Variants in SLC25A21 observed in about 807,000 individuals in gnomAD.
The protein encoded by SLC25A21 is solute carrier family 25 member 21, also known as mitochondrial 2-oxodicarboxylate carrier.
SLC25A21 carries 47 observed loss-of-function variants against 43.8 expected under a neutral mutation model. The ratio of observed to expected loss-of-function variants is 1.07; its 90% confidence interval spans 0.85 to 1.37. The LOEUF (loss-of-function observed/expected upper bound fraction) is 1.37. Among genes scored for constraint, SLC25A21 ranks in the 40% most tolerant of loss-of-function variants. The pLI is 0.00. For synonymous variants in SLC25A21, 131 were observed against 121.3 expected, an observed-to-expected ratio of 1.08 and a Z score of -0.52; for missense variants, 352 against 350.2, an observed-to-expected ratio of 1.00 and a Z score of -0.04.
chr14:36,874,587 G>T (rs1357532616), intron 2 of SLC25A21, among the ~76,000 whole-genome samples: 1 of 152,144 alleles, frequency 6.6e-6, no homozygotes, highest in Non-Finnish European at 1.5e-5. Context: ...ATACCAAAAT[G>T]CTGACTATTA....
intron 1 of SLC25A21, among the ~76,000 whole-genome samples, chr14:37,152,194 CCAAA>C (rs952565961): frequency 5.9e-5 from 9 of 151,814 alleles, no homozygotes; most frequent in African/African-American, 1.7e-4. Flanking sequence ...TCTACCCAAC[CCAAA>C]CAAATATCCC....
At chr14:37,012,278 TA>T (rs1960750637) in intron 1 of SLC25A21, among the ~76,000 whole-genome samples, 1 of 152,226 alleles carries the variant, frequency 6.6e-6, no homozygotes, top group African/African-American at 2.4e-5. Flanking sequence ...AATAAAGGTT[TA>T]AAACCACTGC....
At position 37,033,331 on chromosome 14, in the gene SLC25A21, C is replaced by T. The variant is rs541122144; in HGVS notation, c.70+138950G>A. Among the ~76,000 whole-genome samples, 95 of 152,266 alleles carry T rather than the reference C, an allele frequency of 6.2e-4. 1 individual carries two copies. The highest frequency in any genetic ancestry group is 1.2e-3 in the Non-Finnish European group (81 of 68,028). On this transcript the variant is annotated intron_variant, in intron 1 of 9. Transcript: ENST00000331299. ...AAAGGCTGAATCACATTCCATCCTA[C>T]GTATATACTATATTTTTAAAATTTG...
chr14:37,027,248 T>A (rs1961112747), intron 1 of SLC25A21, among the ~76,000 whole-genome samples: 1 of 112,006 alleles, frequency 8.9e-6, no homozygotes, highest in South Asian at 2.4e-4. Context: ...TGACAGCTAA[T>A]ACATCTATTA....
chr14:37,133,146 C>CAA (rs1963419360), intron 1 of SLC25A21, among the ~76,000 whole-genome samples: 1 of 115,940 alleles, frequency 8.6e-6, no homozygotes, highest in Non-Finnish European at 1.8e-5. Flanking sequence ...CACTCGTGCA[C>CAA]ACACACACAC....
At chr14:36,912,953 A>G (rs2138614138) in intron 1 of SLC25A21, among the ~76,000 whole-genome samples, 1 of 152,302 alleles carries the variant, frequency 6.6e-6, no homozygotes, top group Non-Finnish European at 1.5e-5. Context: ...TAGTGAAAAA[A>G]TGAGTTCCTT....
At chr14:36,899,799 T>G (rs1489552235) in intron 1 of SLC25A21, among the ~76,000 whole-genome samples, 2 of 152,212 alleles carry the variant, frequency 1.3e-5, no homozygotes, top group Non-Finnish European at 2.9e-5. Context: ...TTCAGGCAAC[T>G]TGAAAGATAC....
chr14:37,079,333 T>G (rs2138836040), intron 1 of SLC25A21, among the ~76,000 whole-genome samples: 1 of 152,240 alleles, frequency 6.6e-6, no homozygotes, highest in East Asian at 1.9e-4. Context: ...CTTCCCTACC[T>G]CTCACCCCCA....
intron 1 of SLC25A21, among the ~76,000 whole-genome samples, chr14:37,129,545 A>T (rs1274733494): frequency 6.6e-6 from 1 of 152,288 alleles, no homozygotes; most frequent in Non-Finnish European, 1.5e-5. Context: ...AACAACCATC[A>T]TAACTCAAGA....
intron 1 of SLC25A21, among the ~76,000 whole-genome samples, chr14:37,134,993 T>C (rs1172436626): frequency 6.6e-6 from 1 of 151,370 alleles, no homozygotes; most frequent in Non-Finnish European, 1.5e-5. Flanking sequence ...AGTGGCATGA[T>C]CTCGGCTCAC....
intron 2 of SLC25A21, among the ~76,000 whole-genome samples, chr14:36,859,921 A>C (rs7155771): frequency 1.3e-5 from 2 of 152,242 alleles, no homozygotes; most frequent in South Asian, 4.1e-4. Flanking sequence ...TTATTCAATC[A>C]TTCATTCACC....
chr14:36,712,679 G>C (rs182232341), intron 6 of SLC25A21, among the ~76,000 whole-genome samples: 1 of 152,130 alleles, frequency 6.6e-6, no homozygotes, highest in Admixed American at 6.5e-5. Context: ...ATTAATTTAA[G>C]GGAACTAATT....
chr14:37,098,726 TAGATAGATAGATAGATAGATAGAC>T (rs1387896203), intron 1 of SLC25A21, among the ~76,000 whole-genome samples: 2,640 of 41,976 alleles, frequency 0.063, 59 homozygotes, highest in African/African-American at 0.13. Flanking sequence ...GATAGATAGA[TAGATAGATAGATAGATAGATAGAC>T]AGACAGACAG....
intron 2 of SLC25A21, among the ~76,000 whole-genome samples, chr14:36,835,973 A>G (rs1344633697): frequency 6.6e-6 from 1 of 152,178 alleles, no homozygotes; most frequent in Non-Finnish European, 1.5e-5. Context: ...TCCCCTCCAG[A>G]GTTGGACCAA....
intron 6 of SLC25A21, among the ~76,000 whole-genome samples, chr14:36,715,596 G>A (rs1884092657): frequency 6.6e-6 from 1 of 152,148 alleles, no homozygotes; most frequent in South Asian, 2.1e-4. Context: ...TTTCCTGGTT[G>A]TACCTTCATT....
intron 1 of SLC25A21, among the ~76,000 whole-genome samples, chr14:36,894,605 C>T (rs934626657): frequency 2.0e-5 from 3 of 152,004 alleles, no homozygotes; most frequent in African/African-American, 7.3e-5. Flanking sequence ...AGAGGGCATC[C>T]CTGTCTTGTG....
intron 2 of SLC25A21, among the ~76,000 whole-genome samples, chr14:36,855,105 T>C (rs1205045397): frequency 2.0e-5 from 3 of 151,904 alleles, no homozygotes; most frequent in Non-Finnish European, 2.9e-5. Flanking sequence ...AGTAAAGTAA[T>C]GTGCTCTTCC....
intron 1 of SLC25A21, among the ~76,000 whole-genome samples, chr14:37,117,975 T>C (rs1417415016): frequency 6.6e-6 from 1 of 152,142 alleles, no homozygotes; most frequent in South Asian, 2.1e-4. Flanking sequence ...CTTTTTTGTA[T>C]GGATTCCCCT....
intron 2 of SLC25A21, among the ~76,000 whole-genome samples, chr14:36,853,291 T>C (rs1194291474): frequency 6.6e-6 from 1 of 150,562 alleles, no homozygotes; most frequent in Non-Finnish European, 1.5e-5. Context: ...GTGAATGCTG[T>C]ACTTAAGTAA....
Sources: allele counts gnomAD v4.1 joint callset (sites outside exome capture counted in the v4.1 genomes callset), GRCh38; gene constraint gnomAD v4.1.1; transcripts MANE v1.5; gene names NCBI Gene and HGNC (gene_info 2026-07-23, HGNC 2026-07-21).